Variants in AGBL4 observed in about 807,000 individuals in gnomAD.
The protein encoded by AGBL4 is cytosolic carboxypeptidase 6.
Under a neutral mutation model 66.4 loss-of-function variants are expected in AGBL4, and 58 were observed. The observed-to-expected ratio is 0.87, with a 90% CI of 0.71 to 1.09. AGBL4 has a LOEUF of 1.09. Ranked by LOEUF, AGBL4 falls within the 50% of genes least tolerant of loss-of-function variation. The pLI is 0.00. For synonymous variants in AGBL4, 234 were observed against 222.9 expected, an observed-to-expected ratio of 1.05 and a Z score of -0.44; for missense variants, 579 against 631.0, an observed-to-expected ratio of 0.92 and a Z score of 0.88.
chr1:49,394,123 T>TA (rs913932915), intron 3 of AGBL4, among the ~76,000 whole-genome samples: 169 of 146,942 alleles, frequency 1.2e-3, no homozygotes, highest in East Asian at 4.8e-3. Flanking sequence ...TCACTGACAT[T>TA]AAAAAAAAAA....
chr1:48,697,177 C>CTATT (rs1220269411), intron 6 of AGBL4, among the ~76,000 whole-genome samples: 1 of 152,188 alleles, frequency 6.6e-6, no homozygotes, highest in African/African-American at 2.4e-5. Context: ...CTAAGCTTTA[C>CTATT]TATTCTGAAG....
At chr1:49,214,444 A>G (rs1475563677) in intron 4 of AGBL4, among the ~76,000 whole-genome samples, 1 of 152,148 alleles carries the variant, frequency 6.6e-6, no homozygotes, top group African/African-American at 2.4e-5. Flanking sequence ...CAGTTCTTTC[A>G]CGGCAGTACA....
intron 1 of AGBL4, among the ~76,000 whole-genome samples, chr1:49,936,839 G>A (rs1290235110): frequency 6.6e-6 from 1 of 152,018 alleles, no homozygotes. Flanking sequence ...CCTGAAGGAA[G>A]CACTAAACAA....
chr1:49,372,948 G>A (rs1031066580), intron 3 of AGBL4, among the ~76,000 whole-genome samples: 1 of 151,850 alleles, frequency 6.6e-6, no homozygotes, highest in Non-Finnish European at 1.5e-5. Flanking sequence ...TAGTAGAGAT[G>A]GGATCTCACT....
At chr1:48,800,867 A>G (rs578147516) in intron 6 of AGBL4, among the ~76,000 whole-genome samples, 1 of 152,292 alleles carries the variant, frequency 6.6e-6, no homozygotes, top group East Asian at 1.9e-4. Context: ...GCATAAGGCC[A>G]TAAAGCTCCC....
rs569939330 is a variant in AGBL4 at position 48,885,942 on chromosome 1, T to A, written c.595-18712A>T. ...AACCATCACACTGGGATGAACTACA[T>A]ACCTGGATGAGAGTGGACAACTGCT... On this transcript the variant is annotated intron_variant, in intron 5 of 13. Coordinates refer to ENST00000371839, the MANE Select transcript of AGBL4 (RefSeq NM_032785.4). 1.1e-4 allele frequency among the ~76,000 whole-genome samples: 17 copies of A among 152,316 alleles called. 1 individual carries two copies. Among genetic ancestry groups the A allele is most frequent in the Admixed American group, 7.8e-4 (12 of 15,296 alleles).
At chr1:49,598,835 C>A (rs1187998329) in intron 3 of AGBL4, among the ~76,000 whole-genome samples, 1 of 152,102 alleles carries the variant, frequency 6.6e-6, no homozygotes, top group East Asian at 1.9e-4. Flanking sequence ...TGTCGAAGGC[C>A]TTTTCTGCAT....
intron 6 of AGBL4, among the ~76,000 whole-genome samples, chr1:48,709,138 GC>G (rs1434529251): frequency 6.6e-6 from 1 of 152,176 alleles, no homozygotes; most frequent in Non-Finnish European, 1.5e-5. Flanking sequence ...TAGCTACTAT[GC>G]TATCAGTGAC....
At chr1:49,948,404 T>TATAAATATAG (rs1424724389) in intron 1 of AGBL4, among the ~76,000 whole-genome samples, 5 of 107,730 alleles carry the variant, frequency 4.6e-5, no homozygotes, top group African/African-American at 1.1e-4. Context: ...TATAAATATA[T>TATAAATATAG]ATAAATATAG....
At position 49,367,103 on chromosome 1, in the gene AGBL4, A is replaced by C. The variant is rs372217894; in HGVS notation, c.283-121239T>G. On this transcript the variant is annotated intron_variant, in intron 3 of 13. Transcript: ENST00000371839. Reference sequence around the variant, plus strand: ...GCACAAAACAGGATGGATAATGACTAATGAAACAAACAAACAAAGAAACAA... The same window carrying C: ...GCACAAAACAGGATGGATAATGACTCATGAAACAAACAAACAAAGAAACAA... 1.8e-4 allele frequency among the ~76,000 whole-genome samples: 28 copies of C among 152,346 alleles called. 1 individual carries two copies. In the East Asian group the frequency reaches 4.1e-3, roughly 22 times the overall value.
intron 1 of AGBL4, among the ~76,000 whole-genome samples, chr1:49,880,269 G>GT (rs891425998): frequency 6.6e-6 from 1 of 151,848 alleles, no homozygotes; most frequent in South Asian, 2.1e-4. Context: ...TTTCTGTTCT[G>GT]TTTTTTCCCC....
At chr1:49,808,671 C>T (rs918637188) in intron 2 of AGBL4, among the ~76,000 whole-genome samples, 1 of 151,916 alleles carries the variant, frequency 6.6e-6, no homozygotes, top group African/African-American at 2.4e-5. Context: ...CTTACTATTC[C>T]TAAATACTTA....
At chr1:49,706,340 G>A (rs1647219842) in intron 2 of AGBL4, among the ~76,000 whole-genome samples, 1 of 152,144 alleles carries the variant, frequency 6.6e-6, no homozygotes, top group South Asian at 2.1e-4. Context: ...CTGCATAGAG[G>A]TGTTTAAATT....
At chr1:48,994,755 T>TTA (rs200956086) in intron 5 of AGBL4, among the ~76,000 whole-genome samples, 1,581 of 152,206 alleles carry the variant, frequency 0.01, 24 homozygotes, top group African/African-American at 0.036. Context: ...AGCATATGGT[T>TTA]TATATATATA....
intron 2 of AGBL4, among the ~76,000 whole-genome samples, chr1:49,744,257 G>T (rs928592715): frequency 1.3e-5 from 2 of 152,070 alleles, no homozygotes; most frequent in South Asian, 4.2e-4. Flanking sequence ...GAATTCCCAT[G>T]AGATCTAGTT....
At chr1:48,600,028 A>T (rs1426640940) in intron 9 of AGBL4, among the ~76,000 whole-genome samples, 1 of 152,190 alleles carries the variant, frequency 6.6e-6, no homozygotes, top group Admixed American at 6.5e-5. Flanking sequence ...AGAAGAAAGA[A>T]GGTGAAAGAA....
intron 2 of AGBL4, among the ~76,000 whole-genome samples, chr1:49,750,205 C>T (rs960068992): frequency 6.6e-6 from 1 of 152,044 alleles, no homozygotes; most frequent in Non-Finnish European, 1.5e-5. Flanking sequence ...CCTAGGTTTT[C>T]TTCTAGGCTT....
chr1:49,072,668 C>T (rs1041389842), intron 4 of AGBL4, among the ~76,000 whole-genome samples: 2 of 152,124 alleles, frequency 1.3e-5, no homozygotes, highest in African/African-American at 4.8e-5. Flanking sequence ...TCTGGCTGCC[C>T]TTAACATTTT....
At chr1:49,150,882 T>C (rs1646314359) in intron 4 of AGBL4, among the ~76,000 whole-genome samples, 1 of 152,204 alleles carries the variant, frequency 6.6e-6, no homozygotes, top group Non-Finnish European at 1.5e-5. Context: ...TGATGTCCAT[T>C]ACTGTGCTTG....
Sources: gnomAD v4.1 joint callset for allele counts (sites outside exome capture counted in the v4.1 genomes callset) on GRCh38, gnomAD v4.1.1 for gene constraint, MANE v1.5 for transcripts, NCBI Gene and HGNC (gene_info 2026-07-23, HGNC 2026-07-21) for gene names.